NCOA2: variants seen among roughly 807,000 people sequenced by gnomAD.
NCOA2 encodes nuclear receptor coactivator 2, also known as class E basic helix-loop-helix protein 75.
A neutral mutation model predicts 145.1 loss-of-function variants in NCOA2; 21 were observed. The ratio of observed to expected loss-of-function variants is 0.14; its 90% CI spans 0.10 to 0.21. The LOEUF (loss-of-function observed/expected upper bound fraction) is 0.21. Ranked by LOEUF, NCOA2 falls within the 10% of genes least tolerant of loss-of-function variation. NCOA2 has a pLI of 1.00. For missense variants in NCOA2, 1,472 were observed against 1,837.6 expected, an observed-to-expected ratio of 0.80 and a Z score of 3.64; for synonymous variants, 619 against 637.5, an observed-to-expected ratio of 0.97 and a Z score of 0.44.
intron 1 of NCOA2, among the ~76,000 whole-genome samples, chr8:70,336,126 C>T (rs566527331): frequency 3.3e-5 from 5 of 152,180 alleles, no homozygotes; most frequent in South Asian, 4.1e-4. Flanking sequence ...GACATTACTG[C>T]GAACTTTTAT....
intron 1 of NCOA2, among the ~76,000 whole-genome samples, chr8:70,308,901 T>C (rs1047792415): frequency 3.3e-5 from 5 of 152,168 alleles, no homozygotes; most frequent in Admixed American, 6.5e-5. Context: ...GCTGCTACTC[T>C]CATTGAGAAC....
intron 14 of NCOA2, 149 bp downstream of exon 14, chr8:70,141,035 A>T: frequency 1.4e-6 from 1 of 732,054 alleles, no homozygotes; most frequent in Non-Finnish European, 2.2e-6. Flanking sequence ...CTAATTCCAT[A>T]CAGAGTTCCA....
intron 11 of NCOA2, 31 bp from the exon 12 acceptor site, chr8:70,148,514 G>T (rs1369797194): frequency 6.2e-7 from 1 of 1,601,662 alleles, no homozygotes; most frequent in Non-Finnish European, 8.5e-7. Flanking sequence ...AGTTTATCCA[G>T]TCTACTCTAA....
intron 4 of NCOA2, among the ~76,000 whole-genome samples, chr8:70,203,106 T>C (rs528113855): frequency 1.3e-5 from 2 of 151,810 alleles, no homozygotes; most frequent in South Asian, 4.2e-4. Context: ...CAACTAAAAA[T>C]ATAAAAATTA....
intron 1 of NCOA2, among the ~76,000 whole-genome samples, chr8:70,375,357 T>C (rs1348078327): frequency 3.3e-5 from 5 of 152,178 alleles, no homozygotes; most frequent in Admixed American, 1.3e-4. Context: ...AATTCTAAGA[T>C]GAAGAAAAGC....
At chr8:70,151,064 T>C (rs1329833035) in intron 11 of NCOA2, among the ~76,000 whole-genome samples, 1 of 152,176 alleles carries the variant, frequency 6.6e-6, no homozygotes, top group African/African-American at 2.4e-5. Context: ...AGAAGCTCCA[T>C]GTGTGGGGGT....
At chr8:70,122,932 G>A (rs1270214656) in intron 21 of NCOA2, among the ~76,000 whole-genome samples, 3 of 152,226 alleles carry the variant, frequency 2.0e-5, no homozygotes, top group African/African-American at 7.2e-5. Flanking sequence ...TGAAATAAGA[G>A]TCAAGGTCTT....
intron 1 of NCOA2, among the ~76,000 whole-genome samples, chr8:70,399,718 A>C (rs999410668): frequency 2.0e-5 from 3 of 152,284 alleles, no homozygotes; most frequent in African/African-American, 7.2e-5. Flanking sequence ...ATAATGGCCA[A>C]AATATCAAAT....
intron 19 of NCOA2, among the ~76,000 whole-genome samples, chr8:70,125,151 A>C (rs1445530945): frequency 1.3e-5 from 2 of 152,138 alleles, no homozygotes; most frequent in Admixed American, 1.3e-4. Flanking sequence ...TCTTTCTTCA[A>C]ATTCCTTTCC....
the NCOA2 span, among the ~76,000 whole-genome samples, chr8:70,439,973 A>T: frequency 6.6e-6 from 1 of 152,202 alleles, no homozygotes; most frequent in African/African-American, 2.4e-5. Context: ...ATCTTGCCAA[A>T]GACTCTGGGA....
chr8:70,404,471 C>T (rs1814673752), upstream of NCOA2, among the ~76,000 whole-genome samples: 1 of 152,154 alleles, frequency 6.6e-6, no homozygotes, highest in Non-Finnish European at 1.5e-5. Flanking sequence ...CGCACCTCAC[C>T]CTACCCAACT....
At chr8:70,209,849 T>C (rs1280081720) in intron 4 of NCOA2, among the ~76,000 whole-genome samples, 5 of 152,218 alleles carry the variant, frequency 3.3e-5, no homozygotes, top group Non-Finnish European at 7.3e-5. Context: ...ATTCGCTTTA[T>C]GGTGCGGATC....
intron 1 of NCOA2, among the ~76,000 whole-genome samples, chr8:70,369,197 G>A (rs114518116): frequency 0.011 from 1,725 of 152,204 alleles, 42 homozygotes; most frequent in African/African-American, 0.039. Flanking sequence ...ACACACTGAC[G>A]TAGTCTAAAA....
intron 22 of NCOA2, 138 bp downstream of exon 22, chr8:70,121,164 T>TA (rs1222590088): frequency 1.5e-6 from 1 of 676,404 alleles, no homozygotes; most frequent in Non-Finnish European, 2.6e-6. Flanking sequence ...AAAAGCACTG[T>TA]ATGCCAGATG....
chr8:70,369,775 T>C (rs1335591567), intron 1 of NCOA2, among the ~76,000 whole-genome samples: 1 of 152,090 alleles, frequency 6.6e-6, no homozygotes, highest in Non-Finnish European at 1.5e-5. Flanking sequence ...TCTGGGCACA[T>C]AGTAGATTTT....
intron 2 of NCOA2, among the ~76,000 whole-genome samples, chr8:70,250,710 T>C (rs1823093861): frequency 6.9e-6 from 1 of 143,978 alleles, no homozygotes; most frequent in South Asian, 2.1e-4. Flanking sequence ...ATCTTTAATC[T>C]ATAAAGATTT....
At chr8:70,268,671 C>G (rs1824805303) in intron 2 of NCOA2, among the ~76,000 whole-genome samples, 1 of 152,004 alleles carries the variant, frequency 6.6e-6, no homozygotes, top group Non-Finnish European at 1.5e-5. Context: ...TTTTAGGCCC[C>G]AAGAGCAAAA....
At chr8:70,261,098 C>T (rs1024729900) in intron 2 of NCOA2, among the ~76,000 whole-genome samples, 1 of 152,240 alleles carries the variant, frequency 6.6e-6, no homozygotes, top group Non-Finnish European at 1.5e-5. Context: ...CATCCCATTA[C>T]TGGGCATATA....
the NCOA2 span, among the ~76,000 whole-genome samples, chr8:70,443,049 C>T: frequency 3.3e-5 from 5 of 152,170 alleles, no homozygotes; most frequent in Admixed American, 3.3e-4. Context: ...TAGGCTTCCT[C>T]GAAGACATAA....
Sources: allele counts gnomAD v4.1 joint callset (sites outside exome capture counted in the v4.1 genomes callset), GRCh38; gene constraint gnomAD v4.1.1; transcripts MANE v1.5; gene names NCBI Gene and HGNC (gene_info 2026-07-23, HGNC 2026-07-21).